ATRNL1: variants seen among roughly 807,000 people sequenced by gnomAD.
ATRNL1 encodes attractin-like protein 1.
ATRNL1 carries 95 observed loss-of-function variants against 182.7 expected under a neutral mutation model. The observed-to-expected ratio is 0.52, with a 90% CI of 0.44 to 0.62. ATRNL1 has a LOEUF of 0.62. Among genes scored for constraint, ATRNL1 ranks in the 20% least tolerant of loss-of-function variants. ATRNL1 has a pLI of 0.00. For missense variants in ATRNL1, 1,471 were observed against 1,679.5 expected (o/e 0.88, Z 2.17); for synonymous variants, 576 against 568.3 (o/e 1.01, Z -0.19).
At chr10:115,144,227 A>G (rs1415487599) in intron 5 of ATRNL1, among the ~76,000 whole-genome samples, 6 of 151,910 alleles carry the variant, frequency 3.9e-5, no homozygotes, top group Non-Finnish European at 7.4e-5. Context: ...GGCTCACTGC[A>G]AGTTCCGCCT....
chr10:115,892,062 C>T (rs1001036804), intron 28 of ATRNL1, among the ~76,000 whole-genome samples: 3 of 152,154 alleles, frequency 2.0e-5, no homozygotes, highest in Non-Finnish European at 4.4e-5. Context: ...TCTACTGAGT[C>T]TGCTGAAACC....
chr10:115,760,398 G>T (rs1948705921), intron 27 of ATRNL1, among the ~76,000 whole-genome samples: 1 of 151,822 alleles, frequency 6.6e-6, no homozygotes, highest in Non-Finnish European at 1.5e-5. Flanking sequence ...GTATTCATTG[G>T]TACTGAATTT....
chr10:115,151,640 T>G (rs571864540), intron 5 of ATRNL1, among the ~76,000 whole-genome samples: 2 of 152,218 alleles, frequency 1.3e-5, no homozygotes, highest in African/African-American at 4.8e-5. Flanking sequence ...ATGAGTACAT[T>G]GCAAAAACTT....
At chr10:115,583,937 T>C (rs1272163991) in intron 26 of ATRNL1, among the ~76,000 whole-genome samples, 6 of 152,114 alleles carry the variant, frequency 3.9e-5, no homozygotes, top group Non-Finnish European at 5.9e-5. Flanking sequence ...CAATACCTAA[T>C]TTATTGAGAG....
chr10:115,747,071 G>A (rs7084410), intron 27 of ATRNL1, among the ~76,000 whole-genome samples: 6,128 of 152,170 alleles, frequency 0.04, 417 homozygotes, highest in African/African-American at 0.14. Flanking sequence ...AGATGAGATT[G>A]TGAAAACATG....
intron 27 of ATRNL1, among the ~76,000 whole-genome samples, chr10:115,840,551 T>C (rs182692777): frequency 6.6e-6 from 1 of 152,182 alleles, no homozygotes; most frequent in East Asian, 1.9e-4. Flanking sequence ...GATGAAGAAC[T>C]TGAGGCACAG....
At chr10:115,736,238 G>T (rs1947946443) in intron 27 of ATRNL1, among the ~76,000 whole-genome samples, 1 of 151,700 alleles carries the variant, frequency 6.6e-6, no homozygotes. Flanking sequence ...TGTTTCTTTT[G>T]GCTTATTCCG....
At chr10:115,521,340 A>G (rs1334589738) in intron 25 of ATRNL1, among the ~76,000 whole-genome samples, 1 of 152,122 alleles carries the variant, frequency 6.6e-6, no homozygotes, top group Non-Finnish European at 1.5e-5. Flanking sequence ...TTTAGTAGAT[A>G]CGGGGTTTCA....
intron 28 of ATRNL1, among the ~76,000 whole-genome samples, chr10:115,910,375 C>T (rs1203604416): frequency 6.6e-6 from 1 of 152,146 alleles, no homozygotes; most frequent in Non-Finnish European, 1.5e-5. Context: ...TGTTTGTCAA[C>T]ACCTGTCTCC....
At chr10:115,166,238 C>T (rs980967954) in intron 7 of ATRNL1, among the ~76,000 whole-genome samples, 9 of 152,026 alleles carry the variant, frequency 5.9e-5, no homozygotes, top group Non-Finnish European at 1.0e-4. Flanking sequence ...TCAGAATGTC[C>T]TTCCTTTTGA....
intron 26 of ATRNL1, among the ~76,000 whole-genome samples, chr10:115,595,680 T>C (rs1312666944): frequency 1.3e-5 from 2 of 152,200 alleles, no homozygotes; most frequent in Non-Finnish European, 2.9e-5. Context: ...TTTGAGTCTT[T>C]TTATACATGA....
Position 115,467,254 on chromosome 10 carries a change from T to TA in ATRNL1, c.3496+9dup, listed in dbSNP as rs1848096550. ...TTACGTGGTCTGTCGGTTCAACAGG[T>TA]AAAAAAATGTTGATGTCATATCTCT... On this transcript the variant is annotated splice_region_variant and intron_variant, in intron 23 of 28. Transcript: ENST00000355044. 5.0e-6 allele frequency: 8 copies of TA among 1,592,768 alleles called. No individual in the cohort carries two copies. The highest frequency in any genetic ancestry group is 1.4e-5 in the African/African-American group (1 of 74,020).
At chr10:115,482,662 G>T (rs782452628) in intron 24 of ATRNL1, among the ~76,000 whole-genome samples, 9 of 151,062 alleles carry the variant, frequency 6.0e-5, no homozygotes, top group Non-Finnish European at 1.3e-4. Flanking sequence ...TATAAAAATA[G>T]AATTAATAAA....
At chr10:115,106,893 G>T (rs1007222093) in intron 1 of ATRNL1, among the ~76,000 whole-genome samples, 1 of 152,218 alleles carries the variant, frequency 6.6e-6, no homozygotes, top group Non-Finnish European at 1.5e-5. Flanking sequence ...ATTGGCTCAT[G>T]ATTCTGGAGG....
chr10:115,225,051 A>C (rs1248585327), intron 9 of ATRNL1, among the ~76,000 whole-genome samples: 1 of 152,174 alleles, frequency 6.6e-6, no homozygotes, highest in Non-Finnish European at 1.5e-5. Flanking sequence ...TGATATAAAA[A>C]TATGAAAAGG....
At chr10:115,462,664 G>C (rs7901890) in intron 22 of ATRNL1, among the ~76,000 whole-genome samples, 1 of 151,996 alleles carries the variant, frequency 6.6e-6, no homozygotes, top group Non-Finnish European at 1.5e-5. Flanking sequence ...TATATTAAAT[G>C]TATTTTACTT....
At chr10:115,229,662 A>C in intron 9 of ATRNL1, among the ~76,000 whole-genome samples, 1 of 152,152 alleles carries the variant, frequency 6.6e-6, no homozygotes, top group East Asian at 1.9e-4. Flanking sequence ...AAATGTTTAT[A>C]CAGGCAAAAA....
At chr10:115,491,050 T>C (rs1554976459) in intron 24 of ATRNL1, among the ~76,000 whole-genome samples, 1 of 152,208 alleles carries the variant, frequency 6.6e-6, no homozygotes. Context: ...TGCCTGGTTA[T>C]CACCAGCGGA....
intron 27 of ATRNL1, among the ~76,000 whole-genome samples, chr10:115,810,587 T>TA (rs1395360741): frequency 6.6e-6 from 1 of 151,980 alleles, no homozygotes; most frequent in African/African-American, 2.4e-5. Context: ...ACCTTTAACA[T>TA]AAAAAAGAAT....
Sources: allele counts gnomAD v4.1 joint callset (sites outside exome capture counted in the v4.1 genomes callset), GRCh38; gene constraint gnomAD v4.1.1; transcripts MANE v1.5; gene names NCBI Gene and HGNC (gene_info 2026-07-23, HGNC 2026-07-21).